Variants in KCTD21 observed in about 807,000 individuals in gnomAD.
KCTD21 encodes BTB/POZ domain-containing protein KCTD21.
Under a neutral mutation model 13.2 loss-of-function variants are expected in KCTD21, and 9 were observed. The observed-to-expected ratio is 0.68, with a 90% confidence interval of 0.41 to 1.19. KCTD21 has a LOEUF of 1.19. KCTD21 is among the 50% of genes most tolerant of loss of function. KCTD21 has a pLI of 0.01. For synonymous variants in KCTD21, 142 were observed against 137.4 expected, an observed-to-expected ratio of 1.03 and a Z score of -0.23; for missense variants, 303 against 336.5, an observed-to-expected ratio of 0.90 and a Z score of 0.78.
Position 78,188,571 on chromosome 11 carries a change from A to T in KCTD21, c.-30+2T>A, listed in dbSNP as rs1384047081. 3 of 984,846 alleles carry T rather than the reference A, an allele frequency of 3.0e-6. No homozygotes were observed. The African/African-American group carries it at 5.3e-5, about 17-fold the overall frequency. 61.0% of individuals were successfully genotyped at this position (984,846 alleles called of 1,614,324 possible). On this transcript the variant is annotated splice_donor_variant, in intron 1 of 1. Transcript: ENST00000340067. LOFTEE classifies it low-confidence loss of function (5UTR_SPLICE). ...CCGCGACCCCGGCCGTGCCGCACCC[A>T]CCTCCTGCCCTCGCTCTGCAGCCTC...
intron 1 of KCTD21, chr11:78,188,181 T>A: frequency 1.0e-6 from 1 of 985,274 alleles, no homozygotes; most frequent in Non-Finnish European, 1.2e-6. Context: ...GCTGGCCTCA[T>A]CGGCTTGTTC....
Position 78,188,271 on chromosome 11 carries a change from T to G in KCTD21, c.-30+302A>C, listed in dbSNP as rs571003960. 324 of 979,148 alleles carry G rather than the reference T, an allele frequency of 3.3e-4. 1 individual carries two copies. In the East Asian group the frequency reaches 5.3e-3, roughly 16 times the overall value. The allele number at this position is 979,148 out of a possible 1,614,324, so 60.7% of individuals were successfully genotyped here. ...CCCACCTAGAGATCCCGCCTCTCCT[T>G]GCCCCACCCACCAAGGACTCCTCCC... is the stretch of plus-strand genomic sequence containing the variant. On this transcript the variant is annotated intron_variant, in intron 1 of 1. Coordinates refer to ENST00000340067, the MANE Select transcript of KCTD21 (RefSeq NM_001029859.3).
chr11:78,185,671 G>A (rs1202346422), intron 1 of KCTD21, among the ~76,000 whole-genome samples: 5 of 151,838 alleles, frequency 3.3e-5, no homozygotes, highest in South Asian at 2.1e-4. Flanking sequence ...GGCTCACTGC[G>A]ACCTCTGCCT....
chr11:78,186,402 A>AAAAAAAAAAAAAAAAAAAC (rs71046958), intron 1 of KCTD21, among the ~76,000 whole-genome samples: 1 of 132,012 alleles, frequency 7.6e-6, no homozygotes, highest in Non-Finnish European at 1.7e-5. Flanking sequence ...AAAAAAAAAA[A>AAAAAAAAAAAAAAAAAAAC]AAAAAGAAAA....
At position 78,172,890 on chromosome 11, in the gene KCTD21, G is replaced by A. The variant is rs1276203012; in HGVS notation, c.*882C>T. The A allele has an allele frequency of 6.6e-6, 1 of 152,530 alleles. No homozygotes were observed. Among genetic ancestry groups the A allele is most frequent in the Non-Finnish European group, 1.5e-5 (1 of 68,026 alleles). 9.4% of individuals were successfully genotyped at this position (152,530 alleles called of 1,614,324 possible). The stretch of plus-strand genomic sequence containing the variant: ...TCTTCAGATGTGCTGGGGTGTTCTA[G>A]GGGTGGGGGAGGACTAAGCAATCAT... On this transcript the variant is annotated 3_prime_UTR_variant, in exon 2 of 2. Transcript: ENST00000340067.
chr11:78,188,077 A>G, intron 1 of KCTD21: 1 of 985,330 alleles, frequency 1.0e-6, no homozygotes, highest in Non-Finnish European at 1.2e-6. Context: ...GCTTTTGCCC[A>G]CGCCGCCACA....
chr11:78,177,990 G>T (rs1862503222), intron 1 of KCTD21: 1 of 152,212 alleles, frequency 6.6e-6, no homozygotes, highest in African/African-American at 2.4e-5. Context: ...ATTTGTCTGG[G>T]GAGAGCAGCA....
chr11:78,174,464 C>T lies in KCTD21; in HGVS notation c.91G>A (p.Ala31Thr), dbSNP rs749985282. 1.4e-5 allele frequency: 23 copies of T among 1,613,944 alleles called. No homozygotes were observed. Among genetic ancestry groups the T allele is most frequent in the South Asian group, 9.9e-5 (9 of 91,074 alleles). ...GTGGGCATCTTCCCGCTGAACATGG[C>T]GCCTAGCATGGAGTCAGGGAAGCTG... ...LTSFPDSMLG[A>T]MFSGKMPTKR... The change falls in exon 2 of 2, where the codon GCC becomes ACC. Residue 31 changes from alanine (A) to threonine (T), a missense_variant. Transcript: ENST00000340067.
chr11:78,174,693 T>C (rs1862394544), intron 1 of KCTD21, 110 bp from the exon 2 acceptor site: 3 of 718,554 alleles, frequency 4.2e-6, no homozygotes, highest in Non-Finnish European at 6.9e-6. Flanking sequence ...TCGAAATGAA[T>C]TAATACCTGA....
At chr11:78,185,596 T>A (rs566563872) in intron 1 of KCTD21, among the ~76,000 whole-genome samples, 16 of 149,214 alleles carry the variant, frequency 1.1e-4, no homozygotes, top group Non-Finnish European at 2.1e-4. Context: ...CCACTAGGCC[T>A]ATTTTTTTTT....
At chr11:78,180,580 C>T (rs910106364) in intron 1 of KCTD21, among the ~76,000 whole-genome samples, 6 of 152,182 alleles carry the variant, frequency 3.9e-5, no homozygotes, top group Admixed American at 6.5e-5. Flanking sequence ...GACTGACAAT[C>T]ACATGAAAAG....
chr11:78,187,839 C>T (rs892561334), intron 1 of KCTD21: 1 of 985,406 alleles, frequency 1.0e-6, no homozygotes, highest in Non-Finnish European at 1.2e-6. Context: ...CCTCTGCCTC[C>T]CCGAGTGCAG....
At chr11:78,183,681 C>A (rs1184938575) in intron 1 of KCTD21, among the ~76,000 whole-genome samples, 1 of 149,188 alleles carries the variant, frequency 6.7e-6, no homozygotes, top group Non-Finnish European at 1.5e-5. Flanking sequence ...GTCGCCCAGG[C>A]TGGAGTGCAG....
rs1565381129 is a variant in KCTD21 at position 78,173,976 on chromosome 11, C to T, written c.579G>A (p.Glu193=). Residue 193 remains glutamate, a synonymous_variant, in exon 2 of 2, where the codon GAG becomes GAA. Transcript: ENST00000340067. The stretch of plus-strand genomic sequence containing the variant: ...TGGTGTACTCCTCCTCTGGCAGGCC[C>T]TCCACATTGGCCACCCAGTCCAGAG... The part of the protein sequence containing the change: ...HLTLDWVANV[E]GLPEEEYTKQ... The T allele has an allele frequency of 1.2e-6, 2 of 1,613,932 alleles. No individual in the cohort carries two copies. Among genetic ancestry groups the T allele is most frequent in the Non-Finnish European group, 1.7e-6 (2 of 1,180,030 alleles).
At chr11:78,178,683 T>C (rs897727025) in intron 1 of KCTD21, among the ~76,000 whole-genome samples, 4 of 152,124 alleles carry the variant, frequency 2.6e-5, no homozygotes, top group Admixed American at 6.6e-5. Flanking sequence ...TAAGGCCAAT[T>C]TGTGCTAACT....
chr11:78,178,127 T>G (rs1422352191), intron 1 of KCTD21: 1 of 123,758 alleles, frequency 8.1e-6, no homozygotes, highest in Admixed American at 9.4e-5. Flanking sequence ...TAAGCCCTTC[T>G]TTTCTTTTTT....
chr11:78,184,153 TAGAG>T (rs144656930), intron 1 of KCTD21, among the ~76,000 whole-genome samples: 9 of 152,190 alleles, frequency 5.9e-5, no homozygotes, highest in Admixed American at 3.9e-4. Context: ...ACCTTTACGA[TAGAG>T]AGATCAGGTT....
At position 78,188,556 on chromosome 11, in the gene KCTD21, G is replaced by C; in HGVS notation, c.-30+17C>G. ...GGTAGTCCCCGAGCCCCGCGACCCC[G>C]GCCGTGCCGCACCCACCTCCTGCCC... On this transcript the variant is annotated intron_variant, in intron 1 of 1. Transcript: ENST00000340067. 1.0e-6 allele frequency: 1 copy of C among 985,588 alleles called. No individual in the cohort carries two copies. The highest frequency in any genetic ancestry group is 1.2e-6 in the Non-Finnish European group (1 of 830,098). The allele number at this position is 985,588 out of a possible 1,614,324, so 61.1% of individuals were successfully genotyped here. A position where few individuals can be genotyped will look rare whatever the true frequency, so the allele number is the denominator to read the frequency against.
rs965991746 is a variant in KCTD21, at chr11:78,174,496, G to A, written c.59C>T (p.Thr20Ile). The change falls in exon 2 of 2, where the codon ACC becomes ATC. Residue 20 changes from threonine to isoleucine, a missense_variant. Physicochemically the swap from Thr to Ile is moderately conservative, Grantham distance 89. Transcript: ENST00000340067. ...CATGGAGTCAGGGAAGCTGGTCAGG[G>A]TCGCCAGTGAGGTTGTATAGAGCTT... ...GGKLYTTSLA[T>I]LTSFPDSMLG... The A allele has an allele frequency of 6.2e-7, 1 of 1,614,116 alleles. No homozygotes were observed. Among genetic ancestry groups the A allele is most frequent in the South Asian group, 1.1e-5 (1 of 91,062 alleles).
Sources: gnomAD v4.1 joint callset for allele counts (sites outside exome capture counted in the v4.1 genomes callset) on GRCh38, gnomAD v4.1.1 for gene constraint, MANE v1.5 for transcripts, NCBI Gene and HGNC (gene_info 2026-07-23, HGNC 2026-07-21) for gene names.